CEP89: variants seen among roughly 807,000 people sequenced by gnomAD.
CEP89 encodes centrosomal protein of 89 kDa.
A neutral mutation model predicts 97.6 loss-of-function variants in CEP89; 95 were observed. That is an observed-to-expected ratio of 0.97 (90% CI 0.82 to 1.15). The LOEUF (loss-of-function observed/expected upper bound fraction) is 1.15, where lower values mean the gene tolerates loss of function less well. Ranked by LOEUF, CEP89 falls within the 50% of genes most tolerant of loss-of-function variation. The pLI is 0.00. For synonymous variants in CEP89, 354 were observed against 349.1 expected (o/e 1.01, Z -0.16); for missense variants, 869 against 947.7 (o/e 0.92, Z 1.09).
chr19:32,961,072 G>A (rs1177802947), intron 2 of CEP89, among the ~76,000 whole-genome samples: 1 of 152,156 alleles, frequency 6.6e-6, no homozygotes, highest in Non-Finnish European at 1.5e-5. Flanking sequence ...ACCAGACAGT[G>A]GAGGAAGAAC....
At chr19:32,965,530 T>C (rs1431426092) in intron 2 of CEP89, among the ~76,000 whole-genome samples, 1 of 151,436 alleles carries the variant, frequency 6.6e-6, no homozygotes, top group Admixed American at 6.6e-5. Flanking sequence ...ACCCTATCTC[T>C]ATAAAAAATA....
chr19:32,935,318 C>A (rs913934478), intron 7 of CEP89, among the ~76,000 whole-genome samples: 3 of 152,160 alleles, frequency 2.0e-5, no homozygotes, highest in Non-Finnish European at 4.4e-5. Flanking sequence ...CACAGGGAAT[C>A]TCAGAGACCC....
chr19:32,894,138 G>A (rs1969590827), intron 16 of CEP89, among the ~76,000 whole-genome samples: 1 of 152,176 alleles, frequency 6.6e-6, no homozygotes, highest in East Asian at 1.9e-4. Context: ...GTTAGCCTGG[G>A]CAACATAGTG....
intron 16 of CEP89, among the ~76,000 whole-genome samples, chr19:32,890,803 C>T (rs1021890974): frequency 1.1e-4 from 17 of 152,066 alleles, no homozygotes; most frequent in East Asian, 3.9e-4. Context: ...TGCTCCAGAG[C>T]GGGGGCTCAC....
At chr19:32,948,414 C>A (rs549141307) in intron 4 of CEP89, 46 bp from the exon 5 acceptor site, 6 of 1,171,414 alleles carry the variant, frequency 5.1e-6, no homozygotes, top group Admixed American at 2.1e-5. Context: ...AGAAAGGTAA[C>A]CTTTATATAC....
At chr19:32,879,518 G>A (rs531339997) in intron 18 of CEP89, 140 bp from the exon 19 acceptor site, 67 of 683,286 alleles carry the variant, frequency 9.8e-5, no homozygotes, top group East Asian at 8.4e-4. Flanking sequence ...TGAAGCAAGC[G>A]CTCAGTGTGG....
intron 5 of CEP89, among the ~76,000 whole-genome samples, chr19:32,944,710 G>A (rs1039638422): frequency 3.3e-5 from 5 of 152,198 alleles, no homozygotes; most frequent in Non-Finnish European, 2.9e-5. Flanking sequence ...AGAGAATCTA[G>A]GAAAGGGGAA....
chr19:32,909,353 C>A (rs1432922501), intron 14 of CEP89, among the ~76,000 whole-genome samples: 3 of 152,200 alleles, frequency 2.0e-5, no homozygotes, highest in Admixed American at 1.3e-4. Context: ...CAGAGGCCTG[C>A]TCAGCAGCCA....
chr19:32,913,817 T>C (rs1433556965), intron 14 of CEP89, among the ~76,000 whole-genome samples: 7 of 151,886 alleles, frequency 4.6e-5, no homozygotes, highest in Non-Finnish European at 1.5e-5. Context: ...TTTTATACTT[T>C]CAGTAGAGAC....
intron 4 of CEP89, among the ~76,000 whole-genome samples, chr19:32,951,204 C>T (rs1970904436): frequency 2.6e-5 from 4 of 152,122 alleles, no homozygotes; most frequent in African/African-American, 7.2e-5. Flanking sequence ...TATAAACATA[C>T]TTTAAAAGGC....
At chr19:32,882,165 A>T (rs1969298154) in intron 17 of CEP89, 152 bp from the exon 18 acceptor site, 2 of 644,678 alleles carry the variant, frequency 3.1e-6, no homozygotes, top group African/African-American at 1.8e-5. Context: ...GCAAGTCTGG[A>T]TCATAAAAGT....
intron 11 of CEP89, among the ~76,000 whole-genome samples, chr19:32,925,907 G>C (rs1186401003): frequency 6.6e-6 from 1 of 152,002 alleles, no homozygotes; most frequent in Non-Finnish European, 1.5e-5. Context: ...TGTCCAGAAA[G>C]CCATGGCTTC....
intron 14 of CEP89, among the ~76,000 whole-genome samples, chr19:32,902,197 C>T (rs1969795615): frequency 6.6e-6 from 1 of 151,826 alleles, no homozygotes; most frequent in Admixed American, 6.6e-5. Flanking sequence ...ACAAAAGAAA[C>T]AAAGAACAAA....
intron 3 of CEP89, among the ~76,000 whole-genome samples, chr19:32,957,877 T>C (rs1251662680): frequency 6.6e-6 from 1 of 152,040 alleles, no homozygotes; most frequent in African/African-American, 2.4e-5. Flanking sequence ...GCATCTGTGG[T>C]ACCAGCTTCT....
Position 32,966,409 on chromosome 19 carries a change from G to C in CEP89, c.97C>G (p.Pro33Ala). ...AASVAPKAAV[P>A]RTPPPRSPNP... ...GGGCTGCGGGGAGGAGGTGTGCGTGGCACAGCTGCCTTCGGAGCAACGCTG... is the reference window on the plus strand; with the variant it reads ...GGGCTGCGGGGAGGAGGTGTGCGTGCCACAGCTGCCTTCGGAGCAACGCTG... Residue 33 changes from proline to alanine, a missense_variant, in exon 2 of 19, where the codon CCA becomes GCA. Physicochemically the swap from Pro to Ala is conservative, Grantham distance 27. Coordinates refer to ENST00000305768, the MANE Select transcript of CEP89 (RefSeq NM_032816.5). 1 of 1,562,306 alleles carries C rather than the reference G, an allele frequency of 6.4e-7. No homozygotes were observed. Among genetic ancestry groups the C allele is most frequent in the Non-Finnish European group, 8.7e-7 (1 of 1,151,636 alleles).
chr19:32,887,801 T>C lies in CEP89; in HGVS notation c.1916A>G (p.Lys639Arg), dbSNP rs1202106901. The C allele has an allele frequency of 6.2e-7, 1 of 1,613,638 alleles. No homozygotes were observed. The change falls in exon 17 of 19, where the codon AAA (lysine) becomes AGA (arginine). Residue 639 changes from lysine (K) to arginine (R), a missense_variant. Lys to Arg is a conservative substitution (Grantham distance 26). Coordinates refer to ENST00000305768, the MANE Select transcript of CEP89 (RefSeq NM_032816.5). ...LESEKDGVLN[K>R]VIKSNIRLGK... ...CAGGCGAATGTTGCTTTTTATGACTTTATTAAGCACTCCATCCTTCTCACT... is the reference window on the plus strand; with the variant it reads ...CAGGCGAATGTTGCTTTTTATGACTCTATTAAGCACTCCATCCTTCTCACT...
intron 16 of CEP89, among the ~76,000 whole-genome samples, chr19:32,892,070 G>A (rs76636490): frequency 0.079 from 11,692 of 147,778 alleles, 1,546 homozygotes; most frequent in African/African-American, 0.27. Context: ...CAAACTGTCA[G>A]AAGTCAAATA....
chr19:32,924,868 A>G (rs1970322733), intron 11 of CEP89, among the ~76,000 whole-genome samples: 1 of 152,228 alleles, frequency 6.6e-6, no homozygotes, highest in Non-Finnish European at 1.5e-5. Flanking sequence ...CAGAAACTGC[A>G]TGGCCTCCAA....
At chr19:32,882,265 A>C (rs1230873288) in intron 17 of CEP89, among the ~76,000 whole-genome samples, 1 of 152,232 alleles carries the variant, frequency 6.6e-6, no homozygotes, top group East Asian at 1.9e-4. Context: ...AAATAAATGA[A>C]AACATAAAAT....
Sources: gnomAD v4.1 joint callset for allele counts (sites outside exome capture counted in the v4.1 genomes callset) on GRCh38, gnomAD v4.1.1 for gene constraint, MANE v1.5 for transcripts, NCBI Gene and HGNC (gene_info 2026-07-23, HGNC 2026-07-21) for gene names.